MDGA2: variants seen among roughly 807,000 people sequenced by gnomAD.
MDGA2 encodes the protein MAM domain-containing glycosylphosphatidylinositol anchor protein 2.
A neutral mutation model predicts 117.8 loss-of-function variants in MDGA2; 40 were observed. The ratio of observed to expected loss-of-function variants is 0.34; its 90% confidence interval spans 0.26 to 0.44. The LOEUF is 0.44. MDGA2 is among the 20% of genes least tolerant of loss of function. The probability of loss-of-function intolerance (pLI) is 1.00; values close to 1 mark genes in which losing one functional copy is unlikely to be tolerated. For missense variants in MDGA2, 1,123 were observed against 1,250.6 expected, an observed-to-expected ratio of 0.90 and a Z score of 1.54; for synonymous variants, 452 against 439.0, an observed-to-expected ratio of 1.03 and a Z score of -0.37.
At chr14:47,353,661 T>C (rs1890932881) in intron 1 of MDGA2, among the ~76,000 whole-genome samples, 1 of 152,162 alleles carries the variant, frequency 6.6e-6, no homozygotes, top group African/African-American at 2.4e-5. Context: ...AAAGAAACCG[T>C]AGCAGTAAAC....
intron 8 of MDGA2, among the ~76,000 whole-genome samples, chr14:47,020,148 ATC>A (rs3985121): frequency 0.45 from 68,946 of 151,890 alleles, 16,181 homozygotes; most frequent in East Asian, 0.79. Context: ...CGGATCTTCA[ATC>A]TTTTTCCAAC....
chr14:46,929,052 A>G (rs1884436633), intron 9 of MDGA2, among the ~76,000 whole-genome samples: 1 of 152,130 alleles, frequency 6.6e-6, no homozygotes, highest in Admixed American at 6.5e-5. Context: ...CTGGGGTCAC[A>G]TGATTGCTAA....
At chr14:47,373,480 G>A (rs1891410494) in intron 1 of MDGA2, among the ~76,000 whole-genome samples, 1 of 151,874 alleles carries the variant, frequency 6.6e-6, no homozygotes, top group Non-Finnish European at 1.5e-5. Context: ...TAATAAAAAG[G>A]AATGAACTAC....
intron 1 of MDGA2, among the ~76,000 whole-genome samples, chr14:47,373,068 G>A (rs1891400697): frequency 6.6e-6 from 1 of 151,934 alleles, no homozygotes; most frequent in Non-Finnish European, 1.5e-5. Flanking sequence ...GTATAAGTTT[G>A]TATATGTGTT....
intron 1 of MDGA2, among the ~76,000 whole-genome samples, chr14:47,331,858 C>T (rs915557733): frequency 6.6e-6 from 1 of 151,930 alleles, no homozygotes; most frequent in Non-Finnish European, 1.5e-5. Flanking sequence ...ATTTCAAAAA[C>T]AGTCCTTTTC....
chr14:47,459,545 CTT>C (rs1301101569), intron 1 of MDGA2, among the ~76,000 whole-genome samples: 7 of 148,242 alleles, frequency 4.7e-5, no homozygotes, highest in African/African-American at 1.7e-4. Context: ...CTCTTTCTTT[CTT>C]CCTTCCTTCC....
At chr14:47,295,440 T>C (rs1271698379) in intron 2 of MDGA2, among the ~76,000 whole-genome samples, 1 of 152,218 alleles carries the variant, frequency 6.6e-6, no homozygotes, top group Non-Finnish European at 1.5e-5. Context: ...TTTCTACATA[T>C]GACCTCATTG....
chr14:47,549,112 T>G (rs1005705923), intron 1 of MDGA2, among the ~76,000 whole-genome samples: 7 of 152,116 alleles, frequency 4.6e-5, no homozygotes, highest in African/African-American at 1.2e-4. Flanking sequence ...ATCTGTTGTC[T>G]CTCACCAATG....
intron 1 of MDGA2, among the ~76,000 whole-genome samples, chr14:47,338,439 G>T (rs1433096346): frequency 2.0e-5 from 3 of 149,470 alleles, no homozygotes; most frequent in Non-Finnish European, 4.5e-5. Flanking sequence ...ATATATATAT[G>T]AAATATATAT....
chr14:47,417,967 C>T (rs1352140772), intron 1 of MDGA2, among the ~76,000 whole-genome samples: 4 of 152,166 alleles, frequency 2.6e-5, no homozygotes, highest in Non-Finnish European at 2.9e-5. Flanking sequence ...TCCTGCTGGA[C>T]CTCCCAAACT....
intron 1 of MDGA2, among the ~76,000 whole-genome samples, chr14:47,627,408 G>A (rs1288161541): frequency 6.6e-6 from 1 of 151,886 alleles, no homozygotes; most frequent in Non-Finnish European, 1.5e-5. Flanking sequence ...TCCAGCTAAG[G>A]GATTGTGAAT....
rs191038520 is a variant in MDGA2, at chr14:47,626,834, C to G, written c.280+47683G>C. Among the ~76,000 whole-genome samples, 882 of 152,348 alleles carry G rather than the reference C, an allele frequency of 5.8e-3. 6 individuals carry two copies. The highest frequency in any genetic ancestry group is 9.7e-3 in the Non-Finnish European group (661 of 68,028). On this transcript the variant is annotated intron_variant, in intron 1 of 16. Coordinates refer to ENST00000399232, the MANE Select transcript of MDGA2 (RefSeq NM_001113498.3). ...CTCCTGCGCCGCCAGAGCCTCCTGA[C>G]GAGCGCCGCCCCCTGCTCCACAGCG... is the stretch of plus-strand genomic sequence containing the variant.
At position 47,649,717 on chromosome 14, in the gene MDGA2, A is replaced by AC. The variant is rs1196268497; in HGVS notation, c.280+24799dup. On this transcript the variant is annotated intron_variant, in intron 1 of 16. Transcript: ENST00000399232. Reference sequence around the variant, plus strand: ...AAACAAAACAAAACAAAACAAAAAAACCCCACAAATATATAGAGCATAATA... The same window carrying AC: ...AAACAAAACAAAACAAAACAAAAAAACCCCCACAAATATATAGAGCATAATA... Among the ~76,000 whole-genome samples the AC allele has an allele frequency of 2.0e-5, 3 of 151,812 alleles. No individual in the cohort carries two copies. In the East Asian group the frequency reaches 5.8e-4, roughly 29 times the overall value.
Position 46,855,247 on chromosome 14 carries a change from A to C in MDGA2, c.2753-93T>G, listed in dbSNP as rs1183823159. 3 of 1,016,964 alleles carry C rather than the reference A, an allele frequency of 2.9e-6. No individual in the cohort carries two copies. The East Asian group carries it at 7.7e-5, about 26-fold the overall frequency. 63.0% of individuals were successfully genotyped at this position (1,016,964 alleles called of 1,614,324 possible). On this transcript the variant is annotated intron_variant, in intron 14 of 16. Coordinates refer to ENST00000399232, the MANE Select transcript of MDGA2 (RefSeq NM_001113498.3). The surrounding 1 kb of genome is among the most constrained non-coding windows in gnomAD (Gnocchi z 4.1). ...AACACTTGTAAACTTTTTAAACTGA[A>C]ATTTTACAGAACACTCTAGTGTCTT... is the stretch of plus-strand genomic sequence containing the variant.
chr14:46,954,017 TGTAATG>T (rs2138620286), intron 9 of MDGA2, among the ~76,000 whole-genome samples: 2 of 152,178 alleles, frequency 1.3e-5, no homozygotes, highest in East Asian at 3.9e-4. Context: ...TGCTATATTG[TGTAATG>T]GGCATAACAT....
At chr14:46,974,101 C>A (rs2138345254) in intron 8 of MDGA2, among the ~76,000 whole-genome samples, 1 of 151,916 alleles carries the variant, frequency 6.6e-6, no homozygotes, top group East Asian at 1.9e-4. Context: ...AAAAAAAATC[C>A]ATTTATAATA....
chr14:47,266,448 T>C (rs1343801482), intron 2 of MDGA2, among the ~76,000 whole-genome samples: 1 of 152,194 alleles, frequency 6.6e-6, no homozygotes, highest in Non-Finnish European at 1.5e-5. Flanking sequence ...AGTCTTCTAC[T>C]TCGTCTCCTT....
chr14:46,971,058 CAAAA>C (rs1007105446), intron 8 of MDGA2, among the ~76,000 whole-genome samples: 1 of 151,586 alleles, frequency 6.6e-6, no homozygotes, highest in Non-Finnish European at 1.5e-5. Context: ...AACAAAAACA[CAAAA>C]AAACAGATAC....
chr14:46,886,676 TTC>T (rs1274293772), intron 10 of MDGA2, among the ~76,000 whole-genome samples: 7 of 152,074 alleles, frequency 4.6e-5, no homozygotes, highest in African/African-American at 7.2e-5. Context: ...CCTGAAATGT[TTC>T]TCTGTTTTTA....
Sources: gnomAD v4.1 joint callset for allele counts (sites outside exome capture counted in the v4.1 genomes callset) on GRCh38, gnomAD v4.1.1 for gene constraint, Gnocchi (gnomAD v3.1) non-coding constraint, MANE v1.5 for transcripts, NCBI Gene and HGNC (gene_info 2026-07-23, HGNC 2026-07-21) for gene names.